The following CCND3 variants were observed in gnomAD, a reference collection of about 807,000 sequenced individuals.
CCND3 encodes G1/S-specific cyclin-D3.
CCND3 carries 9 observed loss-of-function variants against 28.7 expected under a neutral mutation model. The observed-to-expected ratio is 0.31, with a 90% CI of 0.19 to 0.55. The LOEUF is 0.55. Among genes scored for constraint, CCND3 ranks in the 20% least tolerant of loss-of-function variants. The pLI is 0.93. For missense variants in CCND3, 315 were observed against 385.8 expected, an observed-to-expected ratio of 0.82 and a Z score of 1.54; for synonymous variants, 164 against 163.9, an observed-to-expected ratio of 1.00 and a Z score of 0.00.
chr6:41,965,769 C>T (rs1761870878), intron 1 of CCND3, among the ~76,000 whole-genome samples: 1 of 152,162 alleles, frequency 6.6e-6, no homozygotes, highest in Admixed American at 6.5e-5. Flanking sequence ...CCCCAAAGGA[C>T]ACATTCTTCC....
rs773012459 is a variant in CCND3, at chr6:41,941,031, C to A, written c.198+421G>T. Reference sequence around the variant, plus strand: ...GTCGGCCGGAACAGGGCGCGCGCCACCCCCATCGCCTTCCCCGCCAGAACC... The same window carrying A: ...GTCGGCCGGAACAGGGCGCGCGCCAACCCCATCGCCTTCCCCGCCAGAACC... On this transcript the variant is annotated intron_variant, in intron 1 of 4. Transcript: ENST00000372991. The surrounding 1 kb of genome is among the most constrained non-coding windows in gnomAD (Gnocchi z 6.1). 1 of 1,604,850 alleles carries A rather than the reference C, an allele frequency of 6.2e-7. No individual in the cohort carries two copies.
At chr6:42,019,312 A>T (rs1017340980) in intron 1 of CCND3, among the ~76,000 whole-genome samples, 1 of 151,998 alleles carries the variant, frequency 6.6e-6, no homozygotes, top group Non-Finnish European at 1.5e-5. Flanking sequence ...ACAAGGTGAA[A>T]CCCTGTCTCT....
chr6:41,954,008 T>C (rs759184954), intron 1 of CCND3, among the ~76,000 whole-genome samples: 11 of 151,862 alleles, frequency 7.2e-5, no homozygotes, highest in Non-Finnish European at 1.0e-4. Flanking sequence ...CCCAGCACTT[T>C]GGGAGGCCAA....
At chr6:41,945,960 C>T (rs1408273425), upstream of CCND3, among the ~76,000 whole-genome samples, 1 of 152,140 alleles carries the variant, frequency 6.6e-6, no homozygotes, top group Non-Finnish European at 1.5e-5. Context: ...CTAAGAAAAG[C>T]AAAAGTTTGA....
At chr6:42,033,659 C>A (rs1448244936) in intron 1 of CCND3, among the ~76,000 whole-genome samples, 2 of 147,988 alleles carry the variant, frequency 1.4e-5, no homozygotes, top group East Asian at 4.1e-4. Context: ...ACCAGCCTGA[C>A]CAACATGGAA....
intron 1 of CCND3, among the ~76,000 whole-genome samples, chr6:42,013,486 T>C (rs770153495): frequency 3.3e-5 from 5 of 152,202 alleles, no homozygotes; most frequent in African/African-American, 4.8e-5. Context: ...AAACAAGTCT[T>C]GGCACATAGT....
At chr6:42,021,448 G>A (rs1763711164) in intron 1 of CCND3, among the ~76,000 whole-genome samples, 1 of 152,222 alleles carries the variant, frequency 6.6e-6, no homozygotes. Context: ...CAAAGGCACA[G>A]AGCAGTCATC....
Position 41,941,407 on chromosome 6 carries a change from C to A in CCND3, c.198+45G>T, listed in dbSNP as rs189586831. 4 of 1,602,778 alleles carry A rather than the reference C, an allele frequency of 2.5e-6. No individual in the cohort carries two copies. The Admixed American group carries it at 6.8e-5, about 27-fold the overall frequency. On this transcript the variant is annotated intron_variant, in intron 1 of 4. Coordinates refer to ENST00000372991, the MANE Select transcript of CCND3 (RefSeq NM_001760.5). The surrounding 1 kb of genome is among the most constrained non-coding windows in gnomAD (Gnocchi z 6.1). ...TCCCGACAGGGCGGCCCCGGTGTGT[C>A]CAGACCCGGGAGCGGTGGGGGAGGG...
intron 1 of CCND3, among the ~76,000 whole-genome samples, chr6:42,020,715 A>C (rs1418893701): frequency 6.6e-6 from 1 of 152,134 alleles, no homozygotes; most frequent in East Asian, 1.9e-4. Context: ...GCACTCCAAG[A>C]CTTCATGAGC....
chr6:42,036,434 G>C (rs1764222668), intron 1 of CCND3, among the ~76,000 whole-genome samples: 1 of 80,006 alleles, frequency 1.2e-5, no homozygotes, highest in African/African-American at 5.3e-5. Flanking sequence ...TTTTGACACA[G>C]GGTCTCCCTC....
chr6:41,964,488 G>A (rs868076925), intron 1 of CCND3, among the ~76,000 whole-genome samples: 23 of 126,198 alleles, frequency 1.8e-4, no homozygotes, highest in East Asian at 5.3e-4. Context: ...GTGTGTGAAT[G>A]TGTGTGTGTG....
intron 1 of CCND3, among the ~76,000 whole-genome samples, chr6:41,953,886 C>T (rs979030892): frequency 6.6e-6 from 1 of 151,796 alleles, no homozygotes; most frequent in Admixed American, 6.6e-5. Context: ...AGACATGGCA[C>T]ATTACTGAAT....
intron 1 of CCND3, among the ~76,000 whole-genome samples, chr6:42,016,536 C>G (rs79898229): frequency 6.6e-6 from 1 of 151,532 alleles, no homozygotes. Flanking sequence ...ACACTCAACA[C>G]GGTGCCTAGC....
chr6:42,011,074 G>GTGAATGAATGAATGAATGAATGAA (rs35481277), intron 1 of CCND3: 1 of 150,430 alleles, frequency 6.6e-6, no homozygotes, highest in East Asian at 2.0e-4. Context: ...ACAACTGGTA[G>GTGAATGAATGAATGAATGAATGAA]TGAATGAATG....
rs1762951898 is a variant in CCND3 at position 42,000,234 on chromosome 6, C to CGTTTTTTTTTTTTTTTTTTT, written c.-46+48266_-46+48267insAAAAAAAAAAAAAAAAAAAC. 1.8e-4 allele frequency among the ~76,000 whole-genome samples: 9 copies of CGTTTTTTTTTTTTTTTTTTT among 51,028 alleles called. 1 individual carries two copies. The highest frequency in any genetic ancestry group is 2.5e-4 in the Non-Finnish European group (8 of 31,690). 33.5% of individuals were successfully genotyped at this position (51,028 alleles called of 152,430 possible). A position where few individuals can be genotyped will look rare whatever the true frequency, so the allele number is the denominator to read the frequency against. The stretch of plus-strand genomic sequence containing the variant: ...AGTCTCGTGGAAATTTGAAAACATA[C>CGTTTTTTTTTTTTTTTTTTT]TTTTTTTTTTTTTTTTTTTTTTTTT... On this transcript the variant is annotated intron_variant, in intron 1 of 4. Coordinates refer to the CCND3 transcript ENST00000372988.
At chr6:41,957,978 CTT>C (rs1776480712) in intron 1 of CCND3, among the ~76,000 whole-genome samples, 2 of 148,486 alleles carry the variant, frequency 1.3e-5, no homozygotes, top group Non-Finnish European at 1.5e-5. Flanking sequence ...AGCCACCAAA[CTT>C]TACCTTACTT....
intron 1 of CCND3, among the ~76,000 whole-genome samples, chr6:41,980,412 A>G (rs944505444): frequency 6.6e-6 from 1 of 152,206 alleles, no homozygotes; most frequent in Non-Finnish European, 1.5e-5. Context: ...CTGGGATTAC[A>G]GGAGTAAGCC....
chr6:42,029,552 C>T (rs1763984366), intron 1 of CCND3, among the ~76,000 whole-genome samples: 1 of 151,758 alleles, frequency 6.6e-6, no homozygotes, highest in Non-Finnish European at 1.5e-5. Flanking sequence ...CATACTCTCA[C>T]TGGGGCCGGG....
chr6:41,979,621 GTCTCTC>G (rs71544259), intron 1 of CCND3, among the ~76,000 whole-genome samples: 75,744 of 141,970 alleles, frequency 0.53, 20,149 homozygotes, highest in South Asian at 0.57. Context: ...ATCTCTCTCT[GTCTCTC>G]TCTCTCTCTC....
Sources: allele counts gnomAD v4.1 joint callset (sites outside exome capture counted in the v4.1 genomes callset), GRCh38; gene constraint gnomAD v4.1.1; non-coding constraint Gnocchi (gnomAD v3.1); transcripts MANE v1.5; gene names NCBI Gene and HGNC (gene_info 2026-07-23, HGNC 2026-07-21).